The following AMN1 variants were observed in gnomAD, a reference collection of about 807,000 sequenced individuals.
The protein encoded by AMN1 is protein AMN1 homolog.
A neutral mutation model predicts 33.0 loss-of-function variants in AMN1; 20 were observed. The observed-to-expected ratio is 0.61, with a 90% CI of 0.43 to 0.88. The LOEUF is 0.88. Among genes scored for constraint, AMN1 ranks in the 40% least tolerant of loss-of-function variants. AMN1 has a pLI of 0.00. For missense variants in AMN1, 246 were observed against 307.4 expected (o/e 0.80, Z 1.49); for synonymous variants, 114 against 111.9 (o/e 1.02, Z -0.12).
chr12:31,709,069 T>C (rs1299843312), intron 2 of AMN1: 7 of 584,880 alleles, frequency 1.2e-5, no homozygotes, highest in South Asian at 1.1e-4. Context: ...TCCCAACTAC[T>C]CAGGAGGCTG....
chr12:31,671,628 A>G lies in AMN1; in HGVS notation c.*676T>C, dbSNP rs1951273803. 2 of 152,150 alleles carry G rather than the reference A, an allele frequency of 1.3e-5. No individual in the cohort carries two copies. The highest frequency in any genetic ancestry group is 4.8e-5 in the African/African-American group (2 of 41,430). 9.4% of individuals were successfully genotyped at this position (152,150 alleles called of 1,614,324 possible). On this transcript the variant is annotated 3_prime_UTR_variant, in exon 7 of 7. Coordinates refer to ENST00000281471, the MANE Select transcript of AMN1 (RefSeq NM_001113402.2). The stretch of plus-strand genomic sequence containing the variant: ...TCATTTTTACACATTTTTGAATGCA[A>G]TTTTGCTAAGGAAGGAAAGCTTACA...
chr12:31,722,660 T>C (rs1312977393), intron 1 of AMN1, among the ~76,000 whole-genome samples: 1 of 152,168 alleles, frequency 6.6e-6, no homozygotes, highest in Non-Finnish European at 1.5e-5. Context: ...GGGCATGATA[T>C]GCAGCTTTCT....
intron 1 of AMN1, among the ~76,000 whole-genome samples, chr12:31,718,963 G>A (rs761282303): frequency 5.4e-4 from 82 of 152,354 alleles, no homozygotes; most frequent in Middle Eastern, 3.4e-3. Context: ...CGCTAGCAGC[G>A]AGCAAGGCTC....
At chr12:31,704,520 A>G (rs757922647) in intron 2 of AMN1, among the ~76,000 whole-genome samples, 13 of 150,936 alleles carry the variant, frequency 8.6e-5, no homozygotes, top group Admixed American at 2.0e-4. Context: ...TTCTTGCCAT[A>G]AGGAAGTCTG....
chr12:31,708,431 G>C (rs886699112), intron 2 of AMN1: 1 of 152,308 alleles, frequency 6.6e-6, no homozygotes, highest in East Asian at 1.9e-4. Context: ...TTTGAGGTCA[G>C]ACTGGTTCTC....
At chr12:31,697,715 T>A (rs770192827) in intron 4 of AMN1, 25 bp downstream of exon 4, 2 of 1,590,714 alleles carry the variant, frequency 1.3e-6, no homozygotes, top group South Asian at 2.2e-5. Flanking sequence ...ATAGTCTATA[T>A]GTTTGTAGCC....
chr12:31,722,380 C>T (rs1048257155), intron 1 of AMN1, among the ~76,000 whole-genome samples: 5 of 152,152 alleles, frequency 3.3e-5, no homozygotes, highest in South Asian at 2.1e-4. Flanking sequence ...AGGTATTCAA[C>T]GGATATTTCA....
At chr12:31,721,845 G>C (rs1939887761) in intron 1 of AMN1, among the ~76,000 whole-genome samples, 1 of 152,104 alleles carries the variant, frequency 6.6e-6, no homozygotes, top group African/African-American at 2.4e-5. Context: ...TTCTCTAATG[G>C]AATAGACTGC....
At chr12:31,679,373 AC>A (rs2139655558) in intron 6 of AMN1, among the ~76,000 whole-genome samples, 1 of 152,158 alleles carries the variant, frequency 6.6e-6, no homozygotes, top group South Asian at 2.1e-4. Flanking sequence ...CTAAAAAAAT[AC>A]AAAAAAATTA....
At chr12:31,722,130 GACAC>G (rs57266162) in intron 1 of AMN1, among the ~76,000 whole-genome samples, 7,377 of 143,948 alleles carry the variant, frequency 0.051, 279 homozygotes, top group East Asian at 0.17. Context: ...TCAGGCCTTT[GACAC>G]ACACACACAC....
chr12:31,716,403 A>G (rs755731746), intron 1 of AMN1, among the ~76,000 whole-genome samples: 2 of 152,182 alleles, frequency 1.3e-5, no homozygotes, highest in Admixed American at 6.5e-5. Context: ...CTCATAGGGT[A>G]GGCATATGTT....
At chr12:31,699,786 G>A (rs1428837272) in intron 3 of AMN1, among the ~76,000 whole-genome samples, 3 of 152,170 alleles carry the variant, frequency 2.0e-5, no homozygotes, top group Non-Finnish European at 2.9e-5. Context: ...CATCTGAAGT[G>A]GGGATAGTCT....
chr12:31,704,684 T>A (rs1158219102), intron 2 of AMN1, among the ~76,000 whole-genome samples: 1 of 152,186 alleles, frequency 6.6e-6, no homozygotes, highest in Non-Finnish European at 1.5e-5. Context: ...TTGTAATGGA[T>A]GTTGTATCTG....
In AMN1 at chr12:31,683,924, G is replaced by C. The variant is rs1385483979; in HGVS notation, c.703+5083C>G. Among the ~76,000 whole-genome samples, 1 of 152,154 alleles carries C rather than the reference G, an allele frequency of 6.6e-6. No individual in the cohort carries two copies. The highest frequency in any genetic ancestry group is 2.4e-5 in the African/African-American group (1 of 41,436). On this transcript the variant is annotated intron_variant, in intron 6 of 6. Transcript: ENST00000281471. The surrounding 1 kb of genome is among the most constrained non-coding windows in gnomAD (Gnocchi z 4.1). Reference sequence around the variant, plus strand: ...GACAGAATTTGTTGTCAGTGATAAAGCTTTAGCTTTCAAGTGAATTTTGGA... The same window carrying C: ...GACAGAATTTGTTGTCAGTGATAAACCTTTAGCTTTCAAGTGAATTTTGGA...
chr12:31,712,374 A>G (rs1021310914), intron 1 of AMN1, among the ~76,000 whole-genome samples: 30 of 151,972 alleles, frequency 2.0e-4, no homozygotes, highest in Non-Finnish European at 3.8e-4. Context: ...TGGCCTCCCA[A>G]ATAGCTGGGA....
rs1457857067 is a variant in AMN1, at chr12:31,721,381, C to T, written c.38+7590G>A. Among the ~76,000 whole-genome samples, 3 of 152,138 alleles carry T rather than the reference C, an allele frequency of 2.0e-5. No individual in the cohort carries two copies. The East Asian group carries it at 5.8e-4, about 29-fold the overall frequency. ...GTGGACAGCAAGAGGGAAATATCAT[C>T]CTCAACACCCTCAGCATTCCCTGTG... On this transcript the variant is annotated intron_variant, in intron 1 of 6. Transcript: ENST00000281471.
At position 31,702,549 on chromosome 12, in the gene AMN1, T is replaced by TGTGA. The variant is rs200494544; in HGVS notation, c.172-543_172-542insTCAC. Reference sequence around the variant, plus strand: ...TTCCTAAGCATTCTGAGCTCTTTCCTGTATTTTTCTGTTCTTTATTTTTTT... The same window carrying TGTGA: ...TTCCTAAGCATTCTGAGCTCTTTCCTGTGAGTATTTTTCTGTTCTTTATTTTTTT... On this transcript the variant is annotated intron_variant, in intron 2 of 6. Transcript: ENST00000281471. Among the ~76,000 whole-genome samples, 1,272 of 152,234 alleles carry TGTGA rather than the reference T, an allele frequency of 8.4e-3. 18 individuals are homozygous for TGTGA. Among genetic ancestry groups the TGTGA allele is most frequent in the African/African-American group, 0.029 (1,200 of 41,572 alleles).
At chr12:31,702,728 T>C (rs949331097) in intron 2 of AMN1, among the ~76,000 whole-genome samples, 2 of 152,086 alleles carry the variant, frequency 1.3e-5, no homozygotes, top group African/African-American at 4.8e-5. Context: ...ATATACATTA[T>C]ATTATTTTTT....
chr12:31,673,578 TG>T, intron 6 of AMN1: 1 of 404,828 alleles, frequency 2.5e-6, no homozygotes, highest in Non-Finnish European at 4.9e-6. Flanking sequence ...ATGACAAAGC[TG>T]GGTGGCTATA....
Sources: gnomAD v4.1 joint callset for allele counts (sites outside exome capture counted in the v4.1 genomes callset) on GRCh38, gnomAD v4.1.1 for gene constraint, Gnocchi (gnomAD v3.1) non-coding constraint, MANE v1.5 for transcripts, NCBI Gene and HGNC (gene_info 2026-07-23, HGNC 2026-07-21) for gene names.